The following SMU1 variants were observed in gnomAD, a reference collection of about 807,000 sequenced individuals.
SMU1 encodes SMU1 DNA replication regulator and spliceosomal factor, also known as WD40 repeat-containing protein SMU1.
Under a neutral mutation model 62.0 loss-of-function variants are expected in SMU1, and 2 were observed. That is an observed-to-expected ratio of 0.03 (90% CI 0.01 to 0.10). The LOEUF is 0.10. Among genes scored for constraint, SMU1 ranks in the 10% least tolerant of loss-of-function variants. The probability of loss-of-function intolerance (pLI) is 1.00; values close to 1 mark genes in which losing one functional copy is unlikely to be tolerated. For synonymous variants in SMU1, 188 were observed against 212.4 expected (o/e 0.89, Z 1.00); for missense variants, 227 against 622.1 (o/e 0.36, Z 6.76).
At chr9:33,060,889 G>A (rs1048060051) in intron 5 of SMU1, among the ~76,000 whole-genome samples, 8 of 152,198 alleles carry the variant, frequency 5.3e-5, no homozygotes, top group Non-Finnish European at 8.8e-5. Context: ...TGTTAGCTCA[G>A]ACTGTAATGT....
At chr9:33,064,739 T>G (rs1168075090) in intron 4 of SMU1, among the ~76,000 whole-genome samples, 2 of 151,738 alleles carry the variant, frequency 1.3e-5, no homozygotes, top group African/African-American at 2.4e-5. Context: ...AAATATATTT[T>G]TTCTTTTTTT....
intron 4 of SMU1, among the ~76,000 whole-genome samples, chr9:33,067,193 G>C (rs970283603): frequency 4.7e-5 from 7 of 149,512 alleles, no homozygotes; most frequent in Non-Finnish European, 1.0e-4. Flanking sequence ...ACCAAAAGTT[G>C]TGATACAGCT....
chr9:33,074,940 T>C lies in SMU1; in HGVS notation c.27-1134A>G, dbSNP rs912379414. Among the ~76,000 whole-genome samples, 8 of 152,018 alleles carry C rather than the reference T, an allele frequency of 5.3e-5. No homozygotes were observed. In the East Asian group the frequency reaches 1.4e-3, roughly 26 times the overall value. On this transcript the variant is annotated intron_variant, in intron 1 of 11. Transcript: ENST00000397149. ...AGGCATGCACCACCACACTGGCTAA[T>C]TGTTGTATTTTTTGTAGAGACGTGG...
At position 33,042,796 on chromosome 9, in the gene SMU1, G is replaced by A. The variant is rs1411408240; in HGVS notation, c.*4497C>T. On this transcript the variant is annotated 3_prime_UTR_variant, in exon 12 of 12. Coordinates refer to ENST00000397149, the MANE Select transcript of SMU1 (RefSeq NM_018225.3). ...TACCACTGTTAAAATTGCCGTGGAA[G>A]GTTAAATAATGGGCAGCCCTTGCTA... 6.6e-6 allele frequency: 1 copy of A among 152,192 alleles called. No individual in the cohort carries two copies. Among genetic ancestry groups the A allele is most frequent in the Admixed American group, 6.5e-5 (1 of 15,278 alleles). 9.4% of individuals were successfully genotyped at this position (152,192 alleles called of 1,614,324 possible).
rs935815602 is a variant in SMU1 at position 33,044,967 on chromosome 9, A to G, written c.*2326T>C. ...CTGCCCGCCTCATCATCACAAAGGT[A>G]ACTTGAGCTTTTATCAGTTTTAATT... On this transcript the variant is annotated 3_prime_UTR_variant, in exon 12 of 12. Transcript: ENST00000397149. 6.6e-6 allele frequency: 1 copy of G among 152,164 alleles called. No individual in the cohort carries two copies. The highest frequency in any genetic ancestry group is 1.5e-5 in the Non-Finnish European group (1 of 68,042). The allele number at this position is 152,164 out of a possible 1,614,324, so 9.4% of individuals were successfully genotyped here. A position where few individuals can be genotyped will look rare whatever the true frequency, so the allele number is the denominator to read the frequency against.
intron 3 of SMU1, among the ~76,000 whole-genome samples, chr9:33,071,018 T>C (rs550826889): frequency 5.3e-5 from 8 of 152,280 alleles, no homozygotes; most frequent in Non-Finnish European, 7.4e-5. Flanking sequence ...ACTGAAAGAA[T>C]TGAATTGTTT....
chr9:33,053,687 T>C (rs1018287759), intron 9 of SMU1, among the ~76,000 whole-genome samples: 29 of 152,220 alleles, frequency 1.9e-4, no homozygotes, highest in Admixed American at 1.6e-3. Context: ...CAGATTTAAG[T>C]TTTGCTTTTT....
At position 33,053,044 on chromosome 9, in the gene SMU1, G is replaced by C. The variant is rs1336370471; in HGVS notation, c.1290+79C>G. 11 of 1,350,330 alleles carry C rather than the reference G, an allele frequency of 8.1e-6. No individual in the cohort carries two copies. In the East Asian group the frequency reaches 1.6e-4, roughly 20 times the overall value. The allele number at this position is 1,350,330 out of a possible 1,614,324, so 83.6% of individuals were successfully genotyped here. On this transcript the variant is annotated intron_variant, in intron 10 of 11. Coordinates refer to ENST00000397149, the MANE Select transcript of SMU1 (RefSeq NM_018225.3). The stretch of plus-strand genomic sequence containing the variant: ...AAATGAACCCAAATTTGGTTATTGG[G>C]AGGGTGGGCCTGGACCAGGAAGTGC...
intron 7 of SMU1, among the ~76,000 whole-genome samples, chr9:33,057,294 T>TA (rs543257338): frequency 3.3e-5 from 5 of 151,216 alleles, no homozygotes; most frequent in African/African-American, 4.9e-5. Flanking sequence ...ACCATCCCCT[T>TA]AAAAAAAAAG....
chr9:33,072,807 T>A, intron 2 of SMU1, among the ~76,000 whole-genome samples: 1 of 129,440 alleles, frequency 7.7e-6, no homozygotes. Flanking sequence ...CCAGCCTGGG[T>A]AACACAGTGA....
At chr9:33,071,717 C>A in intron 3 of SMU1, 23 bp downstream of exon 3, 1 of 1,578,742 alleles carries the variant, frequency 6.3e-7, no homozygotes, top group Non-Finnish European at 8.6e-7. Flanking sequence ...ACAAAAAGTT[C>A]CTTTTCATTA....
intron 2 of SMU1, among the ~76,000 whole-genome samples, chr9:33,072,244 G>A (rs1355689621): frequency 6.6e-6 from 1 of 152,172 alleles, no homozygotes; most frequent in Non-Finnish European, 1.5e-5. Flanking sequence ...GGCTGAGGCA[G>A]GAGAATTGCT....
chr9:33,062,185 GAAA>G lies in SMU1; in HGVS notation c.502-11_502-9del. The G allele has an allele frequency of 7.5e-7, 1 of 1,332,074 alleles. No individual in the cohort carries two copies. 82.5% of individuals were successfully genotyped at this position (1,332,074 alleles called of 1,614,324 possible). Reference sequence around the variant, plus strand: ...CTGCTGCCACTTCAGTGCCTATGAGGAAAAAAAAAAATATAGCAATCTGTTCAG... The same window carrying G: ...CTGCTGCCACTTCAGTGCCTATGAGGAAAAAAAATATAGCAATCTGTTCAG... On this transcript the variant is annotated splice_polypyrimidine_tract_variant and intron_variant, in intron 4 of 11. Coordinates refer to ENST00000397149, the MANE Select transcript of SMU1 (RefSeq NM_018225.3).
intron 4 of SMU1, among the ~76,000 whole-genome samples, chr9:33,066,340 A>G (rs985860542): frequency 6.6e-6 from 1 of 151,998 alleles, no homozygotes; most frequent in African/African-American, 2.4e-5. Context: ...AAAATCTCAA[A>G]AATTTATTTC....
At chr9:33,060,634 A>T in intron 5 of SMU1, 50 bp from the exon 6 acceptor site, 1 of 1,599,390 alleles carries the variant, frequency 6.3e-7, no homozygotes, top group Non-Finnish European at 8.5e-7. Flanking sequence ...TAGTGGACTT[A>T]AAACAATTCC....
intron 11 of SMU1, 99 bp from the exon 12 acceptor site, chr9:33,047,490 G>A (rs1181969865): frequency 3.5e-6 from 3 of 848,976 alleles, no homozygotes; most frequent in Non-Finnish European, 5.5e-6. Flanking sequence ...GAGATCTTGG[G>A]AGGCCACATA....
Position 33,057,073 on chromosome 9 carries a change from A to C in SMU1, c.868-109T>G. ...ATGCTCACTAATGTACTGAAACAGCATTAAAAATGCACGCTAATAGCTGAA... is the reference window on the plus strand; with the variant it reads ...ATGCTCACTAATGTACTGAAACAGCCTTAAAAATGCACGCTAATAGCTGAA... On this transcript the variant is annotated intron_variant, in intron 7 of 11. Coordinates refer to ENST00000397149, the MANE Select transcript of SMU1 (RefSeq NM_018225.3). The C allele has an allele frequency of 2.6e-6, 3 of 1,160,446 alleles. No individual in the cohort carries two copies. In the Admixed American group the frequency reaches 6.9e-5, roughly 27 times the overall value. 71.9% of individuals were successfully genotyped at this position (1,160,446 alleles called of 1,614,324 possible).
intron 11 of SMU1, 47 bp from the exon 12 acceptor site, chr9:33,047,438 A>C: frequency 6.6e-7 from 1 of 1,515,358 alleles, no homozygotes; most frequent in Non-Finnish European, 9.1e-7. Context: ...TCTGCAATAA[A>C]TCACTCTGAT....
chr9:33,069,291 G>T lies in SMU1; in HGVS notation c.391-357C>A, dbSNP rs1206448209. Among the ~76,000 whole-genome samples, 4 of 152,150 alleles carry T rather than the reference G, an allele frequency of 2.6e-5. No individual in the cohort carries two copies. In the East Asian group the frequency reaches 5.8e-4, roughly 22 times the overall value. On this transcript the variant is annotated intron_variant, in intron 3 of 11. Transcript: ENST00000397149. ...GTTTTTGAAAAATTTGCAGAACCAA[G>T]AATTCTTTTATACTCTTTAGTAATT... is the stretch of plus-strand genomic sequence containing the variant.
Sources: gnomAD v4.1 joint callset for allele counts (sites outside exome capture counted in the v4.1 genomes callset) on GRCh38, gnomAD v4.1.1 for gene constraint, MANE v1.5 for transcripts, NCBI Gene and HGNC (gene_info 2026-07-23, HGNC 2026-07-21) for gene names.